Variants in MEI4 observed in about 807,000 individuals in gnomAD.
MEI4 encodes the protein meiotic double-stranded break formation protein 4, also known as meiosis-specific protein MEI4.
MEI4 carries 27 observed loss-of-function variants against 31.4 expected under a neutral mutation model. That is an observed-to-expected ratio of 0.86 (90% CI 0.63 to 1.19). The LOEUF (loss-of-function observed/expected upper bound fraction) is 1.19, where lower values mean the gene tolerates loss of function less well. Among genes scored for constraint, MEI4 ranks in the 50% most tolerant of loss-of-function variants. The pLI is 0.00. For missense variants in MEI4, 329 were observed against 398.9 expected (o/e 0.82, Z 1.49); for synonymous variants, 122 against 145.4 (o/e 0.84, Z 1.16).
intron 4 of MEI4, among the ~76,000 whole-genome samples, chr6:77,911,733 AATATAT>A (rs57488657): frequency 6.8e-6 from 1 of 147,058 alleles, no homozygotes; most frequent in African/African-American, 2.5e-5. Context: ...TTATATATAT[AATATAT>A]ATATATATAA....
chr6:77,813,828 C>G (rs530485060), intron 3 of MEI4, among the ~76,000 whole-genome samples: 17 of 152,034 alleles, frequency 1.1e-4, no homozygotes, highest in African/African-American at 4.1e-4. Context: ...TTAGAAGAGG[C>G]CTGTTTCCAT....
chr6:77,710,381 G>T (rs951596500), intron 2 of MEI4, among the ~76,000 whole-genome samples: 1 of 151,874 alleles, frequency 6.6e-6, no homozygotes, highest in Admixed American at 6.6e-5. Context: ...AATTAGCTGG[G>T]TGTGGTGGTG....
At chr6:77,874,945 G>A (rs888937101) in intron 4 of MEI4, among the ~76,000 whole-genome samples, 1 of 152,176 alleles carries the variant, frequency 6.6e-6, no homozygotes, top group African/African-American at 2.4e-5. Context: ...AAGGCAGGAA[G>A]TTTAAAAGCT....
At chr6:77,849,727 G>A (rs765145237) in intron 4 of MEI4, among the ~76,000 whole-genome samples, 6 of 152,082 alleles carry the variant, frequency 3.9e-5, no homozygotes, top group Admixed American at 2.0e-4. Context: ...GATATTTAGC[G>A]GTGCCTGGAA....
intron 4 of MEI4, among the ~76,000 whole-genome samples, chr6:77,830,859 A>C (rs1289599237): frequency 6.6e-6 from 1 of 152,076 alleles, no homozygotes; most frequent in Non-Finnish European, 1.5e-5. Flanking sequence ...TTTTTTGGGT[A>C]AGACCTTAAA....
chr6:77,910,929 T>G (rs1407599240), intron 4 of MEI4, among the ~76,000 whole-genome samples: 3 of 150,466 alleles, frequency 2.0e-5, no homozygotes, highest in Admixed American at 6.6e-5. Context: ...CTTCTGGTTT[T>G]TTTTTTTTTT....
chr6:77,657,225 C>T (rs187319396), intron 1 of MEI4, among the ~76,000 whole-genome samples: 53 of 152,274 alleles, frequency 3.5e-4, no homozygotes, highest in African/African-American at 1.3e-3. Context: ...TTTCATTACT[C>T]ATTGATTAAA....
chr6:77,796,813 C>A (rs1582154451), intron 3 of MEI4, among the ~76,000 whole-genome samples: 1 of 152,124 alleles, frequency 6.6e-6, no homozygotes, highest in Non-Finnish European at 1.5e-5. Flanking sequence ...TCCAAAGGTG[C>A]CTTTCACTGA....
At chr6:77,808,415 G>A (rs1450654335) in intron 3 of MEI4, among the ~76,000 whole-genome samples, 1 of 152,174 alleles carries the variant, frequency 6.6e-6, no homozygotes, top group African/African-American at 2.4e-5. Flanking sequence ...CTCTAGAAGT[G>A]TGAAACTCAG....
At chr6:77,832,643 A>G (rs1770113206) in intron 4 of MEI4, among the ~76,000 whole-genome samples, 1 of 152,100 alleles carries the variant, frequency 6.6e-6, no homozygotes, top group African/African-American at 2.4e-5. Flanking sequence ...CATTTTACAA[A>G]AGAGGGCGAT....
intron 2 of MEI4, among the ~76,000 whole-genome samples, chr6:77,701,538 A>G (rs1766221704): frequency 6.6e-6 from 1 of 152,056 alleles, no homozygotes; most frequent in South Asian, 2.1e-4. Flanking sequence ...TTCGCCTGCA[A>G]CTTTAAGTAG....
At chr6:77,909,449 A>G (rs929964548) in intron 4 of MEI4, among the ~76,000 whole-genome samples, 3 of 152,212 alleles carry the variant, frequency 2.0e-5, no homozygotes, top group Admixed American at 6.6e-5. Context: ...AATAAACTAG[A>G]AAATGTAAAA....
intron 3 of MEI4, among the ~76,000 whole-genome samples, chr6:77,787,401 T>C (rs1490207219): frequency 6.6e-6 from 1 of 152,136 alleles, no homozygotes; most frequent in Non-Finnish European, 1.5e-5. Context: ...GCATTATCCT[T>C]ACCTGCTTAA....
At chr6:77,882,444 GTTTC>G (rs1771511342) in intron 4 of MEI4, among the ~76,000 whole-genome samples, 1 of 152,144 alleles carries the variant, frequency 6.6e-6, no homozygotes, top group South Asian at 2.1e-4. Flanking sequence ...AGCATATTGA[GTTTC>G]TTTCCCACTC....
At chr6:77,707,633 C>T (rs750064020) in intron 2 of MEI4, among the ~76,000 whole-genome samples, 18 of 152,282 alleles carry the variant, frequency 1.2e-4, no homozygotes, top group East Asian at 5.8e-4. Flanking sequence ...AAAAGCATTT[C>T]GGAAGTCTCT....
chr6:77,688,422 C>T (rs1363616534), intron 1 of MEI4, among the ~76,000 whole-genome samples: 1 of 152,028 alleles, frequency 6.6e-6, no homozygotes, highest in African/African-American at 2.4e-5. Context: ...ACAAATGACC[C>T]TGACCTTGAT....
chr6:77,711,312 A>G (rs1007880986), intron 2 of MEI4, among the ~76,000 whole-genome samples: 4 of 152,170 alleles, frequency 2.6e-5, no homozygotes, highest in Non-Finnish European at 5.9e-5. Flanking sequence ...TTCTTTCACA[A>G]GATATGTATA....
intron 4 of MEI4, among the ~76,000 whole-genome samples, chr6:77,843,300 A>G (rs1285243662): frequency 6.6e-6 from 1 of 151,978 alleles, no homozygotes; most frequent in Non-Finnish European, 1.5e-5. Context: ...TGCATTTATT[A>G]TTGAATATTT....
At chr6:77,751,523 G>T (rs9448200) in intron 2 of MEI4, among the ~76,000 whole-genome samples, 1,571 of 152,186 alleles carry the variant, frequency 0.01, 28 homozygotes, top group African/African-American at 0.036. Flanking sequence ...TAGAAGAATT[G>T]GGTAAGTTCC....
Sources: gnomAD v4.1 joint callset for allele counts (sites outside exome capture counted in the v4.1 genomes callset) on GRCh38, gnomAD v4.1.1 for gene constraint, MANE v1.5 for transcripts, NCBI Gene and HGNC (gene_info 2026-07-23, HGNC 2026-07-21) for gene names.